The following AHRR variants were observed in gnomAD, a reference collection of about 807,000 sequenced individuals.
AHRR encodes aryl hydrocarbon receptor repressor.
Under a neutral mutation model 44.0 loss-of-function variants are expected in AHRR, and 28 were observed. The observed-to-expected ratio is 0.64, with a 90% CI of 0.47 to 0.87. The LOEUF is 0.87. Among genes scored for constraint, AHRR ranks in the 40% least tolerant of loss-of-function variants. The pLI is 0.00. For missense variants in AHRR, 990 were observed against 953.9 expected, an observed-to-expected ratio of 1.04 and a Z score of -0.50; for synonymous variants, 434 against 407.0, an observed-to-expected ratio of 1.07 and a Z score of -0.80.
At chr5:430,823 T>C (rs970180955) in intron 8 of AHRR, among the ~76,000 whole-genome samples, 6 of 152,232 alleles carry the variant, frequency 3.9e-5, no homozygotes, top group Middle Eastern at 3.2e-3. Context: ...GTCAGCCTGC[T>C]GAGGCCCACA....
At chr5:368,183 T>C (rs965013678) in intron 3 of AHRR, among the ~76,000 whole-genome samples, 1 of 152,174 alleles carries the variant, frequency 6.6e-6, no homozygotes, top group Non-Finnish European at 1.5e-5. Flanking sequence ...TCCATACCTG[T>C]GGGTAGAGGG....
At position 388,091 on chromosome 5, in the gene AHRR, G is replaced by T. The variant is rs532506949; in HGVS notation, c.351+11375G>T. 3.9e-5 allele frequency among the ~76,000 whole-genome samples: 6 copies of T among 152,290 alleles called. No homozygotes were observed. In the South Asian group the frequency reaches 1.2e-3, roughly 32 times the overall value. On this transcript the variant is annotated intron_variant, in intron 4 of 10. Transcript: ENST00000684583. The surrounding 1 kb of genome is among the most constrained non-coding windows in gnomAD (Gnocchi z 5.2). ...ACCTCATCTCAGCTTCGTGACATCC[G>T]CCACTGTCCTATGTCCCAATACAGG...
intron 8 of AHRR, among the ~76,000 whole-genome samples, chr5:431,159 T>TGGCCC (rs1199386699): frequency 1.3e-5 from 2 of 152,162 alleles, no homozygotes; most frequent in East Asian, 3.9e-4. Context: ...AGGGCAGGCC[T>TGGCCC]GGCCCTGTGT....
chr5:343,788 G>A (rs1579600702), intron 1 of AHRR, 105 bp from the exon 2 acceptor site: 3 of 1,179,248 alleles, frequency 2.5e-6, no homozygotes, highest in African/African-American at 3.2e-5. Flanking sequence ...TCGCGGGGTC[G>A]CGGGTGTGGG....
intron 4 of AHRR, among the ~76,000 whole-genome samples, chr5:401,063 C>T (rs569358858): frequency 6.6e-5 from 10 of 152,316 alleles, no homozygotes; most frequent in Non-Finnish European, 1.3e-4. Context: ...CGGCTCAGAG[C>T]GGGCAGTTGG....
At position 432,469 on chromosome 5, in the gene AHRR, A is replaced by T; in HGVS notation, c.915A>T (p.Lys305Asn). 6.2e-7 allele frequency: 1 copy of T among 1,614,166 alleles called. No homozygotes were observed. The highest frequency in any genetic ancestry group is 8.5e-7 in the Non-Finnish European group (1 of 1,180,002). Residue 305 changes from lysine to asparagine, a missense_variant, in exon 9 of 11, where the codon AAA (lysine) becomes AAT (asparagine). Physicochemically the swap from Lys to Asn is moderately conservative, Grantham distance 94. Coordinates refer to ENST00000684583, the MANE Select transcript of AHRR (RefSeq NM_001377236.1). Reference sequence around the variant, plus strand: ...TCATCTGTGTTCTTCACAGAGTAAAAGCCACCACCAGTCTGTGCGAATCGG... The same window carrying T: ...TCATCTGTGTTCTTCACAGAGTAAATGCCACCACCAGTCTGTGCGAATCGG... The part of the protein sequence containing the change: ...DTAATADAKV[K>N]ATTSLCESEL...
At chr5:346,790 G>C (rs1479172473) in intron 2 of AHRR, among the ~76,000 whole-genome samples, 1 of 152,196 alleles carries the variant, frequency 6.6e-6, no homozygotes, top group South Asian at 2.1e-4. Context: ...ATCCCCCCGC[G>C]GGACCTGGGG....
At chr5:354,444 C>T (rs893981653) in intron 3 of AHRR, among the ~76,000 whole-genome samples, 1 of 152,198 alleles carries the variant, frequency 6.6e-6, no homozygotes, top group South Asian at 2.1e-4. Flanking sequence ...GCTGCTGGGG[C>T]TGCCCTCTCG....
intron 1 of AHRR, among the ~76,000 whole-genome samples, chr5:341,416 G>C (rs1742343501): frequency 1.3e-5 from 2 of 152,032 alleles, no homozygotes; most frequent in Admixed American, 1.3e-4. Context: ...TTCTTGATCA[G>C]TATGGCTAGA....
intron 1 of AHRR, among the ~76,000 whole-genome samples, chr5:329,335 C>T (rs1741835819): frequency 6.6e-6 from 1 of 152,012 alleles, no homozygotes; most frequent in Admixed American, 6.6e-5. Context: ...AGTAACTGGA[C>T]TATGGGTGTG....
At position 387,634 on chromosome 5, in the gene AHRR, C is replaced by T. The variant is rs114456580; in HGVS notation, c.351+10918C>T. On this transcript the variant is annotated intron_variant, in intron 4 of 10. Coordinates refer to ENST00000684583, the MANE Select transcript of AHRR (RefSeq NM_001377236.1). This position sits in a 1 kb window ranked among gnomAD's most constrained non-coding sequence, Gnocchi z 5.1. ...TCCTGGGACAGGGGCCTGACCTCCTCAGCCTCTTCTGTGGCTTCTGACAGC... is the reference window on the plus strand; with the variant it reads ...TCCTGGGACAGGGGCCTGACCTCCTTAGCCTCTTCTGTGGCTTCTGACAGC... Among the ~76,000 whole-genome samples, 2,016 of 152,346 alleles carry T rather than the reference C, an allele frequency of 0.013. 17 individuals are homozygous for T. Among genetic ancestry groups the T allele is most frequent in the Non-Finnish European group, 0.022 (1,521 of 68,018 alleles).
chr5:379,020 T>G (rs1260711987), intron 4 of AHRR, among the ~76,000 whole-genome samples: 1 of 152,174 alleles, frequency 6.6e-6, no homozygotes, highest in Non-Finnish European at 1.5e-5. Context: ...TCCCCAAACA[T>G]TTCTCCTCTG....
At chr5:429,907 G>A (rs1736647284) in intron 8 of AHRR, among the ~76,000 whole-genome samples, 1 of 152,218 alleles carries the variant, frequency 6.6e-6, no homozygotes, top group Admixed American at 6.5e-5. Context: ...ACGGCCCTGT[G>A]TTGGCTGAGC....
chr5:430,511 C>T (rs1344568690), intron 8 of AHRR, among the ~76,000 whole-genome samples: 1 of 152,220 alleles, frequency 6.6e-6, no homozygotes, highest in African/African-American at 2.4e-5. Context: ...GCTCAGTGTC[C>T]AGGGTTGACT....
intron 5 of AHRR, 112 bp from the exon 6 acceptor site, chr5:422,617 C>A (rs1736180102): frequency 1.4e-6 from 2 of 1,421,324 alleles, no homozygotes; most frequent in East Asian, 2.3e-5. Flanking sequence ...CTCCCTGTGG[C>A]TGTGACTTGC....
intron 2 of AHRR, among the ~76,000 whole-genome samples, chr5:350,266 T>C (rs1288069546): frequency 2.0e-5 from 3 of 152,198 alleles, no homozygotes; most frequent in Non-Finnish European, 4.4e-5. Flanking sequence ...TTCCTGCGTA[T>C]TTGGTCTTTA....
intron 4 of AHRR, among the ~76,000 whole-genome samples, chr5:393,192 C>T (rs1056764511): frequency 2.0e-5 from 3 of 152,194 alleles, no homozygotes; most frequent in East Asian, 1.9e-4. Flanking sequence ...GGCTCTTCTG[C>T]GGTGATGTTC....
chr5:353,378 G>A (rs1742925982), intron 2 of AHRR, among the ~76,000 whole-genome samples: 1 of 152,186 alleles, frequency 6.6e-6, no homozygotes, highest in Admixed American at 6.5e-5. Context: ...CCAGCCTGGG[G>A]CCAGGCGTCC....
chr5:389,885 G>A (rs1459513095), intron 4 of AHRR, among the ~76,000 whole-genome samples: 1 of 130,964 alleles, frequency 7.6e-6, no homozygotes, highest in Non-Finnish European at 1.6e-5. Flanking sequence ...AAAGACAGAG[G>A]CAGGAAAGGA....
Sources: allele counts gnomAD v4.1 joint callset (sites outside exome capture counted in the v4.1 genomes callset), GRCh38; gene constraint gnomAD v4.1.1; non-coding constraint Gnocchi (gnomAD v3.1); transcripts MANE v1.5; gene names NCBI Gene and HGNC (gene_info 2026-07-23, HGNC 2026-07-21).